MGMT: variants seen among roughly 807,000 people sequenced by gnomAD.
The protein encoded by MGMT is O-6-methylguanine-DNA methyltransferase.
In MGMT, 14 loss-of-function variants were observed where a neutral mutation model predicts 15.9. The observed-to-expected ratio is 0.88, with a 90% CI of 0.58 to 1.37. The LOEUF (loss-of-function observed/expected upper bound fraction) is 1.37, where lower values mean the gene tolerates loss of function less well. Ranked by LOEUF, MGMT falls within the 40% of genes most tolerant of loss-of-function variation. The pLI is 0.00. For missense variants in MGMT, 282 were observed against 268.1 expected (o/e 1.05, Z -0.36); for synonymous variants, 130 against 118.2 (o/e 1.10, Z -0.65).
At chr10:129,546,131 C>T (rs756125344) in intron 2 of MGMT, among the ~76,000 whole-genome samples, 6 of 152,246 alleles carry the variant, frequency 3.9e-5, no homozygotes, top group South Asian at 2.1e-4. Context: ...ATTCTCTAAA[C>T]GTGTGAGTGC....
At chr10:129,697,903 A>G (rs1478746026) in intron 2 of MGMT, among the ~76,000 whole-genome samples, 3 of 152,146 alleles carry the variant, frequency 2.0e-5, no homozygotes, top group Non-Finnish European at 2.9e-5. Flanking sequence ...CTTACATCCC[A>G]GAGCAGGTTC....
intron 1 of MGMT, among the ~76,000 whole-genome samples, chr10:129,505,912 T>C (rs1254513610): frequency 6.6e-6 from 1 of 151,806 alleles, no homozygotes; most frequent in African/African-American, 2.4e-5. Flanking sequence ...GTTTGATCCC[T>C]TCGGTCAGGT....
At chr10:129,628,156 T>C (rs1485318955) in intron 2 of MGMT, among the ~76,000 whole-genome samples, 1 of 152,256 alleles carries the variant, frequency 6.6e-6, no homozygotes, top group African/African-American at 2.4e-5. Context: ...GGGTGTTTTC[T>C]ACCGAAGATG....
chr10:129,583,571 G>A (rs545315409), intron 2 of MGMT, among the ~76,000 whole-genome samples: 1 of 152,288 alleles, frequency 6.6e-6, no homozygotes, highest in Non-Finnish European at 1.5e-5. Flanking sequence ...GCAGCCTAGG[G>A]GTTGTGGTTT....
intron 2 of MGMT, among the ~76,000 whole-genome samples, chr10:129,679,375 A>T (rs1204167107): frequency 6.6e-6 from 1 of 151,984 alleles, no homozygotes; most frequent in Non-Finnish European, 1.5e-5. Flanking sequence ...GGGCTTCCAC[A>T]ACTGGCATGA....
At chr10:129,742,799 G>A (rs1249975943) in intron 3 of MGMT, among the ~76,000 whole-genome samples, 2 of 138,256 alleles carry the variant, frequency 1.4e-5, no homozygotes, top group Non-Finnish European at 3.1e-5. Context: ...CAACTGCAAC[G>A]GCCCATGCTC....
At chr10:129,608,809 G>A (rs754434814) in intron 2 of MGMT, among the ~76,000 whole-genome samples, 6 of 152,240 alleles carry the variant, frequency 3.9e-5, no homozygotes, top group African/African-American at 1.2e-4. Flanking sequence ...GAGGCCCAGC[G>A]CGTGCTCCCC....
intron 3 of MGMT, among the ~76,000 whole-genome samples, chr10:129,756,943 C>T (rs1848813950): frequency 6.6e-6 from 1 of 152,154 alleles, no homozygotes; most frequent in Non-Finnish European, 1.5e-5. Flanking sequence ...AAGGATTGCC[C>T]TTCTTCAAGA....
chr10:129,571,241 T>G (rs1846413710), intron 2 of MGMT, among the ~76,000 whole-genome samples: 1 of 152,188 alleles, frequency 6.6e-6, no homozygotes, highest in Non-Finnish European at 1.5e-5. Flanking sequence ...CTGTCAACAT[T>G]TCTAATCAAA....
intron 2 of MGMT, among the ~76,000 whole-genome samples, chr10:129,592,720 T>C (rs1275483345): frequency 6.6e-6 from 1 of 152,080 alleles, no homozygotes; most frequent in Non-Finnish European, 1.5e-5. Flanking sequence ...CAGAAGCAGC[T>C]GCGAGAGTCC....
At chr10:129,655,499 G>A (rs1461350444) in intron 2 of MGMT, among the ~76,000 whole-genome samples, 5 of 152,168 alleles carry the variant, frequency 3.3e-5, no homozygotes, top group African/African-American at 9.7e-5. Flanking sequence ...AATCTTCCCC[G>A]TTGAGTTTTA....
intron 3 of MGMT, among the ~76,000 whole-genome samples, chr10:129,728,285 T>C (rs1848456036): frequency 6.6e-6 from 1 of 151,882 alleles, no homozygotes; most frequent in Non-Finnish European, 1.5e-5. Flanking sequence ...GGTTAGGGAT[T>C]AGGGTCAGTG....
chr10:129,536,356 G>A lies in MGMT; in HGVS notation c.104G>A (p.Gly35Asp). 1.2e-6 allele frequency: 2 copies of A among 1,613,566 alleles called. No homozygotes were observed. Among genetic ancestry groups the A allele is most frequent in the Non-Finnish European group, 1.7e-6 (2 of 1,179,896 alleles). The change falls in exon 2 of 5, where the codon GGC becomes GAC. Residue 35 changes from glycine (G) to aspartate (D), a missense_variant. Physicochemically the swap from Gly to Asp is moderately conservative, Grantham distance 94. Coordinates refer to ENST00000651593, the MANE Select transcript of MGMT (RefSeq NM_002412.5). ...GGTCTGCACGAAATAAAGCTCCTGG[G>A]CAAGGGGACGTCTGCAGCTGAGTAA... ...EQGLHEIKLL[G>D]KGTSAADAVE...
intron 2 of MGMT, among the ~76,000 whole-genome samples, chr10:129,615,242 G>T (rs1379449727): frequency 6.6e-6 from 1 of 152,184 alleles, no homozygotes; most frequent in Non-Finnish European, 1.5e-5. Context: ...CAAAGGAAGG[G>T]ACTGTGGGTG....
chr10:129,648,296 C>G (rs567486788), intron 2 of MGMT, among the ~76,000 whole-genome samples: 14 of 152,062 alleles, frequency 9.2e-5, no homozygotes, highest in African/African-American at 3.4e-4. Flanking sequence ...CACAATTTTC[C>G]CTGTGTAAAA....
intron 3 of MGMT, among the ~76,000 whole-genome samples, chr10:129,712,052 T>A (rs181235178): frequency 9.2e-5 from 14 of 152,314 alleles, no homozygotes; most frequent in Non-Finnish European, 1.9e-4. Context: ...AGCAGCTTTT[T>A]ACAATGAGTT....
chr10:129,634,906 T>C (rs1476414307), intron 2 of MGMT, among the ~76,000 whole-genome samples: 2 of 152,194 alleles, frequency 1.3e-5, no homozygotes, highest in African/African-American at 2.4e-5. Context: ...AATTTTACCT[T>C]GTTGAGTTCT....
intron 2 of MGMT, among the ~76,000 whole-genome samples, chr10:129,655,053 C>A (rs1847508781): frequency 6.6e-6 from 1 of 152,186 alleles, no homozygotes; most frequent in Non-Finnish European, 1.5e-5. Flanking sequence ...ACCGCTGCAC[C>A]CTCATCCCTG....
chr10:129,483,628 C>T (rs903105496), intron 1 of MGMT, among the ~76,000 whole-genome samples: 1 of 152,080 alleles, frequency 6.6e-6, no homozygotes, highest in Non-Finnish European at 1.5e-5. Flanking sequence ...TGCCGTCATT[C>T]TTAAATTTGT....
Sources: allele counts gnomAD v4.1 joint callset (sites outside exome capture counted in the v4.1 genomes callset), GRCh38; gene constraint gnomAD v4.1.1; transcripts MANE v1.5; gene names NCBI Gene and HGNC (gene_info 2026-07-23, HGNC 2026-07-21).